The following ATF7 variants were observed in gnomAD, a reference collection of about 807,000 sequenced individuals.
The protein encoded by ATF7 is activating transcription factor 7.
Under a neutral mutation model 50.4 loss-of-function variants are expected in ATF7, and 10 were observed. That is an observed-to-expected ratio of 0.20 (90% CI 0.12 to 0.34). The LOEUF is 0.34. Ranked by LOEUF, ATF7 falls within the 10% of genes least tolerant of loss-of-function variation. The pLI is 1.00. For missense variants in ATF7, 465 were observed against 613.9 expected (o/e 0.76, Z 2.56); for synonymous variants, 201 against 226.4 (o/e 0.89, Z 1.01).
intron 1 of ATF7, among the ~76,000 whole-genome samples, chr12:53,614,312 A>G (rs1944021054): frequency 6.6e-6 from 1 of 152,240 alleles, no homozygotes; most frequent in South Asian, 2.1e-4. Context: ...GTTTGGCCTC[A>G]GTGTGCATTT....
intron 2 of ATF7, among the ~76,000 whole-genome samples, chr12:53,578,141 G>A (rs1243364202): frequency 3.9e-5 from 6 of 152,178 alleles, no homozygotes; most frequent in African/African-American, 7.2e-5. Flanking sequence ...ATCCCAGCAC[G>A]GCAGATGGAT....
At chr12:53,541,078 T>C (rs1437354504) in intron 4 of ATF7, among the ~76,000 whole-genome samples, 1 of 152,136 alleles carries the variant, frequency 6.6e-6, no homozygotes, top group Admixed American at 6.5e-5. Flanking sequence ...AAGAAACTCA[T>C]AGAAATCTAT....
At chr12:53,577,007 G>T (rs1426473864) in intron 2 of ATF7, among the ~76,000 whole-genome samples, 2 of 152,168 alleles carry the variant, frequency 1.3e-5, no homozygotes, top group Non-Finnish European at 2.9e-5. Context: ...AGGGACCTGA[G>T]ATCGTGCCAC....
At chr12:53,588,725 C>T (rs1942826245) in intron 2 of ATF7, among the ~76,000 whole-genome samples, 1 of 152,098 alleles carries the variant, frequency 6.6e-6, no homozygotes, top group African/African-American at 2.4e-5. Context: ...GATTTTAGGT[C>T]CCAGGTTTCT....
intron 1 of ATF7, among the ~76,000 whole-genome samples, chr12:53,613,379 AT>A (rs1943980340): frequency 6.6e-6 from 1 of 152,230 alleles, no homozygotes; most frequent in Admixed American, 6.5e-5. Flanking sequence ...CAAAATAGTT[AT>A]TTATGTTAAC....
rs61675595 is a variant in ATF7, at chr12:53,554,870, G to GAAAAAAAAAAAA, written c.49-2245_49-2234dup. On this transcript the variant is annotated intron_variant, in intron 2 of 11. Coordinates refer to ENST00000420353, the MANE Select transcript of ATF7 (RefSeq NM_006856.3). Reference sequence around the variant, plus strand: ...AGAGGAAGACCTTGTCTCAAAAAAAGAAAAAAAAAAAAAAAAAAAAAAAAG... The same window carrying GAAAAAAAAAAAA: ...AGAGGAAGACCTTGTCTCAAAAAAAGAAAAAAAAAAAAAAAAAAAAAAAAAAAAAAAAAAAAG... Among the ~76,000 whole-genome samples, 11 of 76,002 alleles carry GAAAAAAAAAAAA rather than the reference G, an allele frequency of 1.4e-4. 1 individual carries two copies. Among genetic ancestry groups the GAAAAAAAAAAAA allele is most frequent in the African/African-American group, 4.4e-4 (9 of 20,322 alleles). 49.9% of individuals were successfully genotyped at this position (76,002 alleles called of 152,430 possible). A position where few individuals can be genotyped will look rare whatever the true frequency, so the allele number is the denominator to read the frequency against.
chr12:53,614,861 G>A (rs895829354), intron 1 of ATF7, among the ~76,000 whole-genome samples: 6 of 152,080 alleles, frequency 3.9e-5, no homozygotes, highest in Non-Finnish European at 7.4e-5. Context: ...CAGGCGGATC[G>A]CCTGAGGTCC....
chr12:53,593,219 G>A (rs996438470), intron 2 of ATF7, among the ~76,000 whole-genome samples: 1 of 152,080 alleles, frequency 6.6e-6, no homozygotes, highest in Non-Finnish European at 1.5e-5. Flanking sequence ...AGCCTGGGCA[G>A]CACAGCAAGA....
chr12:53,545,488 C>T (rs912637382), intron 3 of ATF7, among the ~76,000 whole-genome samples: 16 of 152,072 alleles, frequency 1.1e-4, no homozygotes, highest in African/African-American at 3.6e-4. Context: ...AGGCGCGCGC[C>T]ACTATGCCTG....
At position 53,578,446 on chromosome 12, in the gene ATF7, C is replaced by A. The variant is rs369124630; in HGVS notation, c.48+22507G>T. Reference sequence around the variant, plus strand: ...CAAAATACGGAGAAATTGTTGCCCACAGACTTGCCTTGCCAGAAATCTTAA... The same window carrying A: ...CAAAATACGGAGAAATTGTTGCCCAAAGACTTGCCTTGCCAGAAATCTTAA... On this transcript the variant is annotated intron_variant, in intron 2 of 11. Transcript: ENST00000420353. Among the ~76,000 whole-genome samples, 6 of 150,546 alleles carry A rather than the reference C, an allele frequency of 4.0e-5. 1 individual carries two copies. The highest frequency in any genetic ancestry group is 2.7e-4 in the Admixed American group (4 of 15,088).
At chr12:53,530,137 G>A (rs1428073070) in intron 9 of ATF7, among the ~76,000 whole-genome samples, 1 of 152,158 alleles carries the variant, frequency 6.6e-6, no homozygotes, top group African/African-American at 2.4e-5. Flanking sequence ...CAGGCAAGGC[G>A]GCTACTGCTT....
chr12:53,549,408 C>CT (rs1053593148), intron 3 of ATF7, among the ~76,000 whole-genome samples: 43 of 144,120 alleles, frequency 3.0e-4, no homozygotes, highest in Non-Finnish European at 3.8e-4. Context: ...ATAGCCCTTT[C>CT]TTTTTTTTTT....
chr12:53,557,646 A>AAG, intron 2 of ATF7, among the ~76,000 whole-genome samples: 1 of 152,342 alleles, frequency 6.6e-6, no homozygotes, highest in Non-Finnish European at 1.5e-5. Context: ...AAGGCAGCAG[A>AAG]AGGCTTAATA....
intron 2 of ATF7, among the ~76,000 whole-genome samples, chr12:53,597,020 A>C (rs74583188): frequency 0.032 from 4,858 of 152,254 alleles, 269 homozygotes; most frequent in African/African-American, 0.11. Flanking sequence ...CATTCCACAG[A>C]GAGGTATTAG....
intron 2 of ATF7, among the ~76,000 whole-genome samples, chr12:53,559,970 T>C (rs764016388): frequency 1.8e-4 from 27 of 152,168 alleles, no homozygotes; most frequent in Non-Finnish European, 2.6e-4. Context: ...TTGCCCAGGC[T>C]GGAGTGCAAT....
intron 1 of ATF7, among the ~76,000 whole-genome samples, chr12:53,620,866 A>G (rs1016804343): frequency 6.6e-6 from 1 of 152,188 alleles, no homozygotes; most frequent in Non-Finnish European, 1.5e-5. Flanking sequence ...TGAAAATGAA[A>G]AAAAAACAGG....
intron 2 of ATF7, among the ~76,000 whole-genome samples, chr12:53,587,843 A>ATATATATATATATATATTTTTT: frequency 1.1e-4 from 7 of 61,550 alleles, no homozygotes; most frequent in African/African-American, 1.5e-4. Flanking sequence ...ATATATATAT[A>ATATATATATATATATATTTTTT]TTTTTTTTTT....
At chr12:53,520,911 G>A (rs1296951411) in intron 11 of ATF7, among the ~76,000 whole-genome samples, 5 of 151,850 alleles carry the variant, frequency 3.3e-5, no homozygotes, top group Non-Finnish European at 5.9e-5. Flanking sequence ...TCCCTTGCTT[G>A]TATTACCGTA....
chr12:53,569,129 G>A (rs12299080), intron 2 of ATF7, among the ~76,000 whole-genome samples: 26,493 of 152,080 alleles, frequency 0.17, 2,946 homozygotes, highest in East Asian at 0.56. Flanking sequence ...CTATGATTGT[G>A]CCACTGCACT....
Sources: allele counts gnomAD v4.1 joint callset (sites outside exome capture counted in the v4.1 genomes callset), GRCh38; gene constraint gnomAD v4.1.1; transcripts MANE v1.5; gene names NCBI Gene and HGNC (gene_info 2026-07-23, HGNC 2026-07-21).